The following NRG3 variants were observed in gnomAD, a reference collection of about 807,000 sequenced individuals.
The protein encoded by NRG3 is pro-neuregulin-3, membrane-bound isoform.
In NRG3, 31 loss-of-function variants were observed where a neutral mutation model predicts 66.9. That is an observed-to-expected ratio of 0.46 (90% CI 0.35 to 0.63). The LOEUF is 0.63. Ranked by LOEUF, NRG3 falls within the 20% of genes least tolerant of loss-of-function variation. The pLI, the probability that NRG3 is intolerant of heterozygous loss-of-function variation, is 0.00. For missense variants in NRG3, 910 were observed against 878.9 expected (o/e 1.04, Z -0.45); for synonymous variants, 393 against 359.4 (o/e 1.09, Z -1.06).
chr10:82,756,853 C>T (rs2059099606), intron 3 of NRG3, among the ~76,000 whole-genome samples: 1 of 151,108 alleles, frequency 6.6e-6, no homozygotes, highest in Admixed American at 6.6e-5. Context: ...AAAAAAGCTG[C>T]ATATTTCATT....
chr10:81,957,631 G>A (rs1849967517), intron 1 of NRG3, among the ~76,000 whole-genome samples: 1 of 152,160 alleles, frequency 6.6e-6, no homozygotes, highest in Non-Finnish European at 1.5e-5. Context: ...CCTAGGTGGT[G>A]CCTGGCATGT....
At chr10:82,147,614 G>C (rs1387443458) in intron 1 of NRG3, among the ~76,000 whole-genome samples, 2 of 152,218 alleles carry the variant, frequency 1.3e-5, no homozygotes, top group Non-Finnish European at 2.9e-5. Flanking sequence ...CCCAGCCTGA[G>C]CTGCCCAATG....
chr10:82,306,119 G>A (rs1313396314), intron 1 of NRG3, among the ~76,000 whole-genome samples: 1 of 152,074 alleles, frequency 6.6e-6, no homozygotes, highest in Non-Finnish European at 1.5e-5. Flanking sequence ...ATTCCTTCTT[G>A]AACTTATTAA....
intron 1 of NRG3, among the ~76,000 whole-genome samples, chr10:82,200,723 G>T (rs1417505658): frequency 6.6e-6 from 1 of 152,074 alleles, no homozygotes; most frequent in African/African-American, 2.4e-5. Context: ...CTCTCCGAAG[G>T]CCTTTCTCTT....
intron 1 of NRG3, among the ~76,000 whole-genome samples, chr10:81,899,998 T>C (rs1325970964): frequency 6.6e-6 from 1 of 151,566 alleles, no homozygotes; most frequent in African/African-American, 2.4e-5. Flanking sequence ...TTTATTTTGA[T>C]GGAATTTTGC....
intron 1 of NRG3, among the ~76,000 whole-genome samples, chr10:82,132,579 G>T (rs112836813): frequency 0.031 from 2,400 of 78,496 alleles, 121 homozygotes; most frequent in African/African-American, 0.086. Context: ...AGAGTAATAC[G>T]GGCCTAATAG....
At chr10:82,338,066 G>A (rs2082481933) in intron 1 of NRG3, among the ~76,000 whole-genome samples, 1 of 152,236 alleles carries the variant, frequency 6.6e-6, no homozygotes, top group Admixed American at 6.5e-5. Context: ...AGATGAATAA[G>A]ACAAACATGA....
chr10:82,510,089 C>G (rs1845036306), intron 2 of NRG3, among the ~76,000 whole-genome samples: 2 of 152,212 alleles, frequency 1.3e-5, no homozygotes, highest in South Asian at 4.1e-4. Context: ...TCAAATATAC[C>G]ATTTTCAGTG....
chr10:82,566,805 T>TA (rs972075193), intron 2 of NRG3, among the ~76,000 whole-genome samples: 1 of 151,870 alleles, frequency 6.6e-6, no homozygotes, highest in African/African-American at 2.4e-5. Flanking sequence ...TTTTTCTAAA[T>TA]AAAAAAATAG....
At chr10:81,919,239 G>T (rs1471045104) in intron 1 of NRG3, among the ~76,000 whole-genome samples, 1 of 152,208 alleles carries the variant, frequency 6.6e-6, no homozygotes, top group Non-Finnish European at 1.5e-5. Context: ...GAAAAGAAGT[G>T]CTGAGTTAGG....
chr10:82,746,209 A>G (rs897395478), intron 3 of NRG3, among the ~76,000 whole-genome samples: 5 of 152,104 alleles, frequency 3.3e-5, no homozygotes, highest in Admixed American at 1.3e-4. Flanking sequence ...GGTTTTAACC[A>G]TTATGTTGAA....
intron 4 of NRG3, among the ~76,000 whole-genome samples, chr10:82,895,766 C>G (rs565916314): frequency 9.2e-5 from 14 of 152,294 alleles, no homozygotes; most frequent in African/African-American, 3.1e-4. Flanking sequence ...GCTGGGATTA[C>G]AGACGTGAGC....
intron 2 of NRG3, among the ~76,000 whole-genome samples, chr10:82,436,362 C>CT (rs1038776676): frequency 4.6e-5 from 7 of 151,822 alleles, no homozygotes; most frequent in Non-Finnish European, 8.8e-5. Flanking sequence ...GCAACTCCTG[C>CT]TTTTTTTTGC....
At chr10:81,877,457 A>G (rs1841776807) in intron 1 of NRG3, among the ~76,000 whole-genome samples, 1 of 152,200 alleles carries the variant, frequency 6.6e-6, no homozygotes, top group Non-Finnish European at 1.5e-5. Context: ...AAGAGTGTTC[A>G]TCATTAACTC....
chr10:82,621,914 A>G (rs2049064010), intron 2 of NRG3, among the ~76,000 whole-genome samples: 1 of 152,206 alleles, frequency 6.6e-6, no homozygotes, highest in Admixed American at 6.5e-5. Flanking sequence ...CGTAGAAACC[A>G]TGTAATAACC....
intron 2 of NRG3, among the ~76,000 whole-genome samples, chr10:82,523,237 G>A (rs1412780771): frequency 6.6e-6 from 1 of 151,790 alleles, no homozygotes. Context: ...ACAAGAGTTT[G>A]TGCAAACATA....
At chr10:82,488,587 G>T (rs1842863788) in intron 2 of NRG3, among the ~76,000 whole-genome samples, 1 of 152,098 alleles carries the variant, frequency 6.6e-6, no homozygotes, top group African/African-American at 2.4e-5. Context: ...TCCACTGAGG[G>T]ATTTCTTTCC....
At chr10:82,056,750 C>G (rs1484178865) in intron 1 of NRG3, among the ~76,000 whole-genome samples, 1 of 152,130 alleles carries the variant, frequency 6.6e-6, no homozygotes, top group Non-Finnish European at 1.5e-5. Flanking sequence ...AGATGCTTTT[C>G]TGGCTAGAAT....
chr10:82,580,064 A>G (rs536315301), intron 2 of NRG3, among the ~76,000 whole-genome samples: 7 of 152,090 alleles, frequency 4.6e-5, no homozygotes, highest in African/African-American at 7.2e-5. Flanking sequence ...TCCCATTTAT[A>G]TATCTCTAGA....
Sources: gnomAD v4.1 joint callset for allele counts (sites outside exome capture counted in the v4.1 genomes callset) on GRCh38, gnomAD v4.1.1 for gene constraint, MANE v1.5 for transcripts, NCBI Gene and HGNC (gene_info 2026-07-23, HGNC 2026-07-21) for gene names.